Variants in CDC73 observed in about 807,000 individuals in gnomAD.
CDC73 encodes cell division cycle 73, also known as parafibromin.
In CDC73, 21 loss-of-function variants were observed where a neutral mutation model predicts 83.7. That is an observed-to-expected ratio of 0.25 (90% CI 0.18 to 0.36). The LOEUF (loss-of-function observed/expected upper bound fraction) is 0.36. CDC73 is among the 10% of genes least tolerant of loss of function. CDC73 has a pLI of 1.00. For missense variants in CDC73, 342 were observed against 653.3 expected, an observed-to-expected ratio of 0.52 and a Z score of 5.19; for synonymous variants, 224 against 212.9, an observed-to-expected ratio of 1.05 and a Z score of -0.45.
intron 5 of CDC73, 62 bp from the exon 6 acceptor site, chr1:193,138,023 C>G (rs144787119): frequency 3.4e-6 from 4 of 1,193,336 alleles, no homozygotes; most frequent in Non-Finnish European, 5.0e-6. Context: ...TTACATGTAG[C>G]GTTTTTTCTT....
intron 15 of CDC73, among the ~76,000 whole-genome samples, chr1:193,239,978 C>A (rs973898490): frequency 4.6e-5 from 7 of 152,070 alleles, no homozygotes; most frequent in African/African-American, 1.7e-4. Context: ...TAATCAACCA[C>A]CTTTCATCCC....
chr1:193,167,156 A>G (rs747366820), intron 10 of CDC73, among the ~76,000 whole-genome samples: 17 of 152,218 alleles, frequency 1.1e-4, no homozygotes, highest in Non-Finnish European at 1.6e-4. Flanking sequence ...TAGAATTCTT[A>G]GATGGACTAA....
chr1:193,212,466 A>G lies in CDC73; in HGVS notation c.1143A>G (p.Leu381=), dbSNP rs1384414870. 4 of 1,581,898 alleles carry G rather than the reference A, an allele frequency of 2.5e-6. No homozygotes were observed. The highest frequency in any genetic ancestry group is 1.1e-5 in the South Asian group (1 of 89,718). Residue 381 remains leucine (L), a synonymous_variant, in exon 13 of 17, where the codon CTA becomes CTG. Transcript: ENST00000367435. ...CCATGCTTAATGCAAAAGACCTTCT[A>G]CAGGACCTGAAGTAAGTAATTTATT... The part of the protein sequence containing the change: ...LITMLNAKDL[L]QDLKFVPSDE...
In CDC73 at chr1:193,206,668, G is replaced by A. The variant is rs893223019; in HGVS notation, c.1030+2816G>A. 3.3e-5 allele frequency among the ~76,000 whole-genome samples: 5 copies of A among 152,184 alleles called. No individual in the cohort carries two copies. The East Asian group carries it at 9.6e-4, about 29-fold the overall frequency. ...CAGTGTAAGAAGGGGGATTATAGAA[G>A]TATAACTGTTATTTGTTGGGTAGAG... On this transcript the variant is annotated intron_variant, in intron 11 of 16. Coordinates refer to ENST00000367435, the MANE Select transcript of CDC73 (RefSeq NM_024529.5).
At chr1:193,233,224 G>C in intron 14 of CDC73, 70 bp downstream of exon 14, 1 of 1,384,086 alleles carries the variant, frequency 7.2e-7, no homozygotes, top group Non-Finnish European at 1.0e-6. Context: ...TGTTATTGCC[G>C]TTGATGACGT....
At chr1:193,138,751 A>T (rs1675847994) in intron 6 of CDC73, among the ~76,000 whole-genome samples, 1 of 145,124 alleles carries the variant, frequency 6.9e-6, no homozygotes. Flanking sequence ...ATTTTTGGAT[A>T]GTTTCTGTTG....
intron 11 of CDC73, among the ~76,000 whole-genome samples, chr1:193,208,829 A>G (rs1030666748): frequency 1.3e-5 from 2 of 152,000 alleles, no homozygotes; most frequent in Admixed American, 6.6e-5. Flanking sequence ...CTTCCCGCCT[A>G]TGGTATTTGC....
chr1:193,127,759 C>T (rs7519242), intron 2 of CDC73: 103,005 of 150,940 alleles, frequency 0.68, 35,617 homozygotes, highest in South Asian at 0.82. Context: ...TCTATGAATT[C>T]GAGATTGTTG....
At chr1:193,223,487 T>C (rs777309818) in intron 13 of CDC73, among the ~76,000 whole-genome samples, 3 of 152,170 alleles carry the variant, frequency 2.0e-5, no homozygotes, top group Non-Finnish European at 2.9e-5. Flanking sequence ...ATTTGAGATA[T>C]TTGATTTTCC....
chr1:193,244,091 T>C (rs1477205389), intron 15 of CDC73, among the ~76,000 whole-genome samples: 1 of 152,208 alleles, frequency 6.6e-6, no homozygotes, highest in Non-Finnish European at 1.5e-5. Flanking sequence ...CATTTGTACA[T>C]GCACATGCAA....
Position 193,148,639 on chromosome 1 carries a change from A to ATTTTTT in CDC73, c.828+695_828+700dup, listed in dbSNP as rs894987430. On this transcript the variant is annotated intron_variant, in intron 8 of 16. Coordinates refer to ENST00000367435, the MANE Select transcript of CDC73 (RefSeq NM_024529.5). Reference sequence around the variant, plus strand: ...AGATTCTATAAATAGAAAATTTATAATTTTTTTTTTTTTTTTTTTTTTTTT... The same window carrying ATTTTTT: ...AGATTCTATAAATAGAAAATTTATAATTTTTTTTTTTTTTTTTTTTTTTTTTTTTTT... Among the ~76,000 whole-genome samples, 71 of 113,682 alleles carry ATTTTTT rather than the reference A, an allele frequency of 6.2e-4. 1 individual carries two copies. Among genetic ancestry groups the ATTTTTT allele is most frequent in the African/African-American group, 2.3e-3 (66 of 28,986 alleles). 74.6% of individuals were successfully genotyped at this position (113,682 alleles called of 152,430 possible). A position where few individuals can be genotyped will look rare whatever the true frequency, so the allele number is the denominator to read the frequency against.
chr1:193,198,484 T>C (rs74130932), intron 10 of CDC73, among the ~76,000 whole-genome samples: 6,306 of 152,312 alleles, frequency 0.041, 413 homozygotes, highest in African/African-American at 0.14. Context: ...TAAGACATCA[T>C]TTTGGAAGCA....
Position 193,201,292 on chromosome 1 carries a change from A to G in CDC73, c.973-2503A>G, listed in dbSNP as rs115483650. The stretch of plus-strand genomic sequence containing the variant: ...CTGAGATGGGAGATTTGACTCATGT[A>G]ATCAAGAATGGTTAAGGGTAAAGTA... On this transcript the variant is annotated intron_variant, in intron 10 of 16. Coordinates refer to ENST00000367435, the MANE Select transcript of CDC73 (RefSeq NM_024529.5). Among the ~76,000 whole-genome samples, 340 of 152,280 alleles carry G rather than the reference A, an allele frequency of 2.2e-3. 3 individuals are homozygous for G. The highest frequency in any genetic ancestry group is 8.0e-3 in the African/African-American group (333 of 41,556).
At chr1:193,232,056 T>C (rs909217902) in intron 13 of CDC73, among the ~76,000 whole-genome samples, 1 of 152,188 alleles carries the variant, frequency 6.6e-6, no homozygotes, top group Non-Finnish European at 1.5e-5. Context: ...TCCAGATTGC[T>C]AAGTTATTTT....
intron 10 of CDC73, among the ~76,000 whole-genome samples, chr1:193,166,651 C>CTT (rs1222917697): frequency 2.2e-5 from 3 of 139,164 alleles, no homozygotes; most frequent in Non-Finnish European, 4.7e-5. Flanking sequence ...CACTTTTTTT[C>CTT]TTTTTTTTTT....
At chr1:193,228,902 C>T (rs1362404952) in intron 13 of CDC73, among the ~76,000 whole-genome samples, 1 of 151,956 alleles carries the variant, frequency 6.6e-6, no homozygotes, top group Non-Finnish European at 1.5e-5. Context: ...AAATTTGTAT[C>T]TAGAATCCTG....
At chr1:193,201,771 A>G (rs1456496320) in intron 10 of CDC73, among the ~76,000 whole-genome samples, 2 of 152,136 alleles carry the variant, frequency 1.3e-5, no homozygotes, top group Non-Finnish European at 2.9e-5. Flanking sequence ...ATATGCTTAT[A>G]CCTTTTGCCT....
intron 13 of CDC73, among the ~76,000 whole-genome samples, chr1:193,216,499 CTGAATTCTACCAGA>C (rs1677370415): frequency 6.6e-6 from 1 of 152,060 alleles, no homozygotes; most frequent in African/African-American, 2.4e-5. Context: ...AGATTAACAG[CTGAATTCTACCAGA>C]TGTATAAAGG....
intron 5 of CDC73, 88 bp downstream of exon 5, chr1:193,135,677 C>T: frequency 1.9e-6 from 2 of 1,062,608 alleles, no homozygotes; most frequent in Non-Finnish European, 2.8e-6. Flanking sequence ...ATTGCAGTAA[C>T]CTGAGGAGCT....
Sources: gnomAD v4.1 joint callset for allele counts (sites outside exome capture counted in the v4.1 genomes callset) on GRCh38, gnomAD v4.1.1 for gene constraint, MANE v1.5 for transcripts, NCBI Gene and HGNC (gene_info 2026-07-23, HGNC 2026-07-21) for gene names.